TOX: variants seen among roughly 807,000 people sequenced by gnomAD.
The protein encoded by TOX is thymocyte selection-associated high mobility group box protein TOX.
Under a neutral mutation model 53.7 loss-of-function variants are expected in TOX, and 11 were observed. The ratio of observed to expected loss-of-function variants is 0.20; its 90% CI spans 0.13 to 0.34. The LOEUF (loss-of-function observed/expected upper bound fraction) is 0.34. Among genes scored for constraint, TOX ranks in the 10% least tolerant of loss-of-function variants. The pLI, the probability that TOX is intolerant of heterozygous loss-of-function variation, is 1.00. For synonymous variants in TOX, 225 were observed against 245.3 expected (o/e 0.92, Z 0.77); for missense variants, 570 against 664.6 (o/e 0.86, Z 1.56).
Position 59,005,655 on chromosome 8 carries a change from A to AT in TOX, c.103-45648dup, listed in dbSNP as rs548184921. Among the ~76,000 whole-genome samples, 689 of 152,096 alleles carry AT rather than the reference A, an allele frequency of 4.5e-3. 2 individuals carry two copies. Among genetic ancestry groups the AT allele is most frequent in the African/African-American group, 0.016 (653 of 41,486 alleles). ...CATTAATCACCAAAAGTTTAACTTT[A>AT]TTTTTTTTAATGAGCATTAAACAAT... On this transcript the variant is annotated intron_variant, in intron 1 of 8. Coordinates refer to ENST00000361421, the MANE Select transcript of TOX (RefSeq NM_014729.3).
chr8:58,862,109 A>T (rs1585866144), intron 3 of TOX, among the ~76,000 whole-genome samples: 1 of 152,190 alleles, frequency 6.6e-6, no homozygotes, highest in African/African-American at 2.4e-5. Context: ...ATAATACATT[A>T]TAAAACATTA....
chr8:58,844,856 G>A (rs140686478), intron 4 of TOX, among the ~76,000 whole-genome samples: 3 of 152,056 alleles, frequency 2.0e-5, no homozygotes, highest in Admixed American at 6.6e-5. Flanking sequence ...ACAGATACAC[G>A]TGCTTCATGT....
At chr8:58,983,223 CA>C (rs1463369439) in intron 1 of TOX, among the ~76,000 whole-genome samples, 5 of 152,244 alleles carry the variant, frequency 3.3e-5, no homozygotes, top group Non-Finnish European at 7.3e-5. Flanking sequence ...TGCCTATACA[CA>C]CATCATTGTG....
At chr8:59,055,298 A>G (rs1317179232) in intron 1 of TOX, among the ~76,000 whole-genome samples, 1 of 152,184 alleles carries the variant, frequency 6.6e-6, no homozygotes, top group Non-Finnish European at 1.5e-5. Context: ...CAGGGACTCA[A>G]TGAAGCAGAC....
intron 2 of TOX, among the ~76,000 whole-genome samples, chr8:58,957,735 G>C (rs1812735287): frequency 6.6e-6 from 1 of 152,192 alleles, no homozygotes; most frequent in South Asian, 2.1e-4. Context: ...ATTGTTGAGT[G>C]ATGCTATGAG....
intron 7 of TOX, among the ~76,000 whole-genome samples, chr8:58,809,178 AT>A (rs1448643513): frequency 6.6e-6 from 1 of 152,248 alleles, no homozygotes; most frequent in East Asian, 1.9e-4. Flanking sequence ...AGGCAACTTA[AT>A]TAATCTCATG....
chr8:59,023,131 C>G (rs1814167098), intron 1 of TOX, among the ~76,000 whole-genome samples: 1 of 152,176 alleles, frequency 6.6e-6, no homozygotes, highest in African/African-American at 2.4e-5. Context: ...GAGGACCAAT[C>G]TCGCTGAGAA....
At chr8:58,940,672 C>G (rs1479546074) in intron 2 of TOX, among the ~76,000 whole-genome samples, 5 of 152,092 alleles carry the variant, frequency 3.3e-5, no homozygotes, top group African/African-American at 9.7e-5. Context: ...CAGCCCAGTG[C>G]CTGCTCAAGT....
rs1373442138 is a variant in TOX at position 59,117,001 on chromosome 8, T to G, written c.102+1885A>C. Among the ~76,000 whole-genome samples the G allele has an allele frequency of 6.6e-6, 1 of 152,244 alleles. No homozygotes were observed. The highest frequency in any genetic ancestry group is 1.9e-4 in the East Asian group (1 of 5,202). ...TTTCCAAAGCATTTAACTTTTAAATTAAATCTGACCCTACTTATCACAAGA... is the reference window on the plus strand; with the variant it reads ...TTTCCAAAGCATTTAACTTTTAAATGAAATCTGACCCTACTTATCACAAGA... On this transcript the variant is annotated intron_variant, in intron 1 of 8. Coordinates refer to ENST00000361421, the MANE Select transcript of TOX (RefSeq NM_014729.3). The surrounding 1 kb of genome is among the most constrained non-coding windows in gnomAD (Gnocchi z 4.6).
chr8:58,920,639 A>T (rs1319210805), intron 3 of TOX, among the ~76,000 whole-genome samples: 1 of 119,728 alleles, frequency 8.4e-6, no homozygotes. Context: ...GTGCACCAGC[A>T]TGGCACATGT....
rs1369670830 is a variant in TOX at position 58,947,097 on chromosome 8, G to C, written c.169-7553C>G. ...AGAATTGAATATTTGTCAATTGTAA[G>C]CTTTCATCAGCTTTTTAACCATGCT... is the stretch of plus-strand genomic sequence containing the variant. On this transcript the variant is annotated intron_variant, in intron 2 of 8. Transcript: ENST00000361421. 2.0e-5 allele frequency among the ~76,000 whole-genome samples: 3 copies of C among 152,054 alleles called. No individual in the cohort carries two copies. In the South Asian group the frequency reaches 6.2e-4, roughly 31 times the overall value.
At chr8:58,983,530 A>G (rs1275331181) in intron 1 of TOX, among the ~76,000 whole-genome samples, 1 of 152,264 alleles carries the variant, frequency 6.6e-6, no homozygotes, top group Admixed American at 6.5e-5. Flanking sequence ...AAGTGAGATC[A>G]TGATATTGCC....
chr8:59,078,220 G>T (rs961743632), intron 1 of TOX, among the ~76,000 whole-genome samples: 1 of 152,190 alleles, frequency 6.6e-6, no homozygotes, highest in African/African-American at 2.4e-5. Context: ...CACTGTCTCT[G>T]CAGTCCTGTG....
chr8:59,061,692 T>C (rs570946658), intron 1 of TOX, among the ~76,000 whole-genome samples: 8 of 151,958 alleles, frequency 5.3e-5, no homozygotes, highest in Non-Finnish European at 1.2e-4. Flanking sequence ...CACTCCTTTA[T>C]GTCGGTCGTT....
rs148816036 is a variant in TOX at position 58,957,437 on chromosome 8, T to G, written c.168+2506A>C. On this transcript the variant is annotated intron_variant, in intron 2 of 8. Transcript: ENST00000361421. Reference sequence around the variant, plus strand: ...AGTTACAAAACTATATGCAAAAAATTTTAAGGATTTGTATACTCTAGCTTA... The same window carrying G: ...AGTTACAAAACTATATGCAAAAAATGTTAAGGATTTGTATACTCTAGCTTA... Among the ~76,000 whole-genome samples the G allele has an allele frequency of 8.3e-4, 126 of 152,264 alleles. 2 individuals are homozygous for G. The East Asian group carries it at 0.022, about 26-fold the overall frequency.
chr8:58,897,703 C>CTTTT lies in TOX; in HGVS notation c.411+41595_411+41598dup, dbSNP rs10649827. Among the ~76,000 whole-genome samples the CTTTT allele has an allele frequency of 5.8e-3, 866 of 148,346 alleles. 1 individual carries two copies. The highest frequency in any genetic ancestry group is 0.021 in the Middle Eastern group (6 of 286). Reference sequence around the variant, plus strand: ...AGTGGGATTTCATTTAAATGGAAGTCTTTTTTTTTTAACACATCCTACATA... The same window carrying CTTTT: ...AGTGGGATTTCATTTAAATGGAAGTCTTTTTTTTTTTTTTAACACATCCTACATA... On this transcript the variant is annotated intron_variant, in intron 3 of 8. Coordinates refer to ENST00000361421, the MANE Select transcript of TOX (RefSeq NM_014729.3).
intron 3 of TOX, among the ~76,000 whole-genome samples, chr8:58,930,344 G>GCTT (rs1231995187): frequency 7.2e-5 from 11 of 152,186 alleles, no homozygotes; most frequent in Non-Finnish European, 1.0e-4. Flanking sequence ...CTTATATAGA[G>GCTT]CATTGCTATC....
At chr8:58,889,159 A>T (rs547429094) in intron 3 of TOX, among the ~76,000 whole-genome samples, 1 of 149,552 alleles carries the variant, frequency 6.7e-6, no homozygotes, top group South Asian at 2.1e-4. Flanking sequence ...CTGCACTTAC[A>T]CTCATATAAG....
At chr8:58,909,923 G>T (rs918426640) in intron 3 of TOX, among the ~76,000 whole-genome samples, 1 of 152,106 alleles carries the variant, frequency 6.6e-6, no homozygotes, top group African/African-American at 2.4e-5. Flanking sequence ...CTCCCAAAGT[G>T]CTGGGATTAC....
Sources: allele counts gnomAD v4.1 joint callset (sites outside exome capture counted in the v4.1 genomes callset), GRCh38; gene constraint gnomAD v4.1.1; non-coding constraint Gnocchi (gnomAD v3.1); transcripts MANE v1.5; gene names NCBI Gene and HGNC (gene_info 2026-07-23, HGNC 2026-07-21).